LRTM1: variants seen among roughly 807,000 people sequenced by gnomAD.
The protein encoded by LRTM1 is leucine rich repeat transmembrane protein 1.
LRTM1 carries 38 observed loss-of-function variants against 32.4 expected under a neutral mutation model. That is an observed-to-expected ratio of 1.17 (90% CI 0.91 to 1.54). The LOEUF (loss-of-function observed/expected upper bound fraction) is 1.54, where lower values mean the gene tolerates loss of function less well. Among genes scored for constraint, LRTM1 ranks in the 40% most tolerant of loss-of-function variants. LRTM1 has a pLI of 0.00. For missense variants in LRTM1, 466 were observed against 415.4 expected (o/e 1.12, Z -1.06); for synonymous variants, 186 against 169.9 (o/e 1.09, Z -0.74).
chr3:54,929,309 A>G (rs1026498373), upstream of LRTM1, among the ~76,000 whole-genome samples: 1 of 152,140 alleles, frequency 6.6e-6, no homozygotes, highest in Non-Finnish European at 1.5e-5. Context: ...ACAATTTTGC[A>G]TGAGAAAGGC....
chr3:54,962,681 A>G (rs1702059827), intron 1 of LRTM1, among the ~76,000 whole-genome samples: 1 of 152,230 alleles, frequency 6.6e-6, no homozygotes, highest in South Asian at 2.1e-4. Context: ...TTCTCGCAGC[A>G]AAACAACTCC....
chr3:54,924,486 A>G, intron 2 of LRTM1, 133 bp downstream of exon 2: 1 of 703,526 alleles, frequency 1.4e-6, no homozygotes, highest in Non-Finnish European at 2.4e-6. Context: ...ATACCGTGAA[A>G]TGGCACCGAT....
chr3:54,956,598 A>T (rs1701900783), intron 1 of LRTM1, among the ~76,000 whole-genome samples: 1 of 152,138 alleles, frequency 6.6e-6, no homozygotes, highest in Non-Finnish European at 1.5e-5. Flanking sequence ...TTAGGCTGTC[A>T]TAAATTCCTG....
At chr3:54,919,524 T>G (rs540519403) in intron 2 of LRTM1, among the ~76,000 whole-genome samples, 4 of 152,194 alleles carry the variant, frequency 2.6e-5, no homozygotes, top group Non-Finnish European at 4.4e-5. Context: ...TACTGAACTT[T>G]CCAGTGGGTT....
At chr3:54,926,298 C>T (rs1213230006) in intron 1 of LRTM1, among the ~76,000 whole-genome samples, 2 of 152,080 alleles carry the variant, frequency 1.3e-5, no homozygotes, top group Non-Finnish European at 2.9e-5. Context: ...CCATTATTAT[C>T]CCCATTTGAA....
upstream of LRTM1, among the ~76,000 whole-genome samples, chr3:54,928,619 C>T (rs919325274): frequency 6.6e-6 from 1 of 152,150 alleles, no homozygotes; most frequent in East Asian, 1.9e-4. Context: ...CCATGGTTTC[C>T]TTTAGTGGAC....
At chr3:54,929,336 C>T (rs1701122183), upstream of LRTM1, among the ~76,000 whole-genome samples, 1 of 152,216 alleles carries the variant, frequency 6.6e-6, no homozygotes, top group African/African-American at 2.4e-5. Context: ...GATTTGTATG[C>T]TGCCAACTTC....
At chr3:54,934,419 C>T (rs1412118711) in intron 1 of LRTM1, among the ~76,000 whole-genome samples, 1 of 151,968 alleles carries the variant, frequency 6.6e-6, no homozygotes, top group Non-Finnish European at 1.5e-5. Context: ...TTTTTCTTGC[C>T]CTTTTGATAA....
chr3:54,930,459 T>C (rs1701157382), upstream of LRTM1, among the ~76,000 whole-genome samples: 1 of 152,168 alleles, frequency 6.6e-6, no homozygotes, highest in Non-Finnish European at 1.5e-5. Context: ...TAGGTTATAG[T>C]GGAGATATTT....
intron 1 of LRTM1, among the ~76,000 whole-genome samples, chr3:54,935,344 C>T (rs1200680575): frequency 6.6e-6 from 1 of 152,140 alleles, no homozygotes; most frequent in African/African-American, 2.4e-5. Context: ...TTGTCCTGCA[C>T]TCAGGACATG....
chr3:54,962,509 A>G lies in LRTM1; in HGVS notation c.-222+4419T>C, dbSNP rs138580013. Among the ~76,000 whole-genome samples, 748 of 152,304 alleles carry G rather than the reference A, an allele frequency of 4.9e-3. 6 individuals carry two copies. The highest frequency in any genetic ancestry group is 0.017 in the African/African-American group (707 of 41,562). Reference sequence around the variant, plus strand: ...GATGACAACACTATCAACTAGTTAGAGTATTTTAATACCCGTGATTTTATT... The same window carrying G: ...GATGACAACACTATCAACTAGTTAGGGTATTTTAATACCCGTGATTTTATT... On this transcript the variant is annotated intron_variant, in intron 1 of 2. Coordinates refer to the LRTM1 transcript ENST00000493075.
chr3:54,939,952 T>A (rs1454520186), intron 1 of LRTM1, among the ~76,000 whole-genome samples: 1 of 152,204 alleles, frequency 6.6e-6, no homozygotes, highest in Non-Finnish European at 1.5e-5. Flanking sequence ...CTTTCCATGA[T>A]GGATTTCTAG....
chr3:54,954,767 T>C (rs991486889), intron 1 of LRTM1, among the ~76,000 whole-genome samples: 2 of 152,158 alleles, frequency 1.3e-5, no homozygotes, highest in Admixed American at 1.3e-4. Context: ...GTGTCCTCCC[T>C]TCCCTGAGGC....
At chr3:54,926,284 G>T (rs1701015106) in intron 1 of LRTM1, among the ~76,000 whole-genome samples, 1 of 152,066 alleles carries the variant, frequency 6.6e-6, no homozygotes, top group Non-Finnish European at 1.5e-5. Context: ...TTGTAAATAT[G>T]GTTCCATTAT....
chr3:54,961,085 T>G (rs576505292), intron 1 of LRTM1, among the ~76,000 whole-genome samples: 2 of 152,296 alleles, frequency 1.3e-5, no homozygotes, highest in African/African-American at 4.8e-5. Context: ...AAGAAAACAT[T>G]TAAACAAACG....
intron 1 of LRTM1, 104 bp from the exon 2 acceptor site, chr3:54,925,319 G>A: frequency 1.1e-6 from 1 of 938,952 alleles, no homozygotes; most frequent in Non-Finnish European, 1.6e-6. Context: ...CCAGCCAGGT[G>A]AAACCTTCTA....
intron 1 of LRTM1, among the ~76,000 whole-genome samples, chr3:54,935,210 A>ATCTAAGTC (rs1183907555): frequency 2.0e-5 from 3 of 152,196 alleles, no homozygotes; most frequent in Non-Finnish European, 4.4e-5. Flanking sequence ...GAGGTAGACC[A>ATCTAAGTC]TCTAAGTCTA....
chr3:54,928,431 A>G (rs1480024001), upstream of LRTM1, among the ~76,000 whole-genome samples: 1 of 152,058 alleles, frequency 6.6e-6, no homozygotes, highest in African/African-American at 2.4e-5. Flanking sequence ...GCTGGACGGG[A>G]CCCTCACCTG....
intron 2 of LRTM1, among the ~76,000 whole-genome samples, chr3:54,919,898 A>G (rs1700785924): frequency 1.3e-5 from 2 of 152,140 alleles, no homozygotes; most frequent in Admixed American, 1.3e-4. Context: ...AGTTTTTTCC[A>G]CTACACTCGC....
Sources: allele counts gnomAD v4.1 joint callset (sites outside exome capture counted in the v4.1 genomes callset), GRCh38; gene constraint gnomAD v4.1.1; transcripts MANE v1.5; gene names NCBI Gene and HGNC (gene_info 2026-07-23, HGNC 2026-07-21).